GRM7: variants seen among roughly 807,000 people sequenced by gnomAD.
GRM7 encodes glutamate metabotropic receptor 7.
GRM7 carries 35 observed loss-of-function variants against 84.5 expected under a neutral mutation model. The ratio of observed to expected loss-of-function variants is 0.41; its 90% confidence interval spans 0.32 to 0.55. The LOEUF is 0.55. Among genes scored for constraint, GRM7 ranks in the 20% least tolerant of loss-of-function variants. GRM7 has a pLI of 0.19. For synonymous variants in GRM7, 487 were observed against 455.1 expected (o/e 1.07, Z -0.89); for missense variants, 1,003 against 1,194.6 (o/e 0.84, Z 2.36).
chr3:7,004,471 A>G (rs1437353452), intron 1 of GRM7, among the ~76,000 whole-genome samples: 1 of 152,208 alleles, frequency 6.6e-6, no homozygotes, highest in African/African-American at 2.4e-5. Context: ...GATTAGTGAG[A>G]AACTTGAACT....
chr3:7,359,980 A>G lies in GRM7; in HGVS notation c.1033+53328A>G, dbSNP rs9874558. Among the ~76,000 whole-genome samples, 132 of 148,536 alleles carry G rather than the reference A, an allele frequency of 8.9e-4. 18 individuals carry two copies. Among genetic ancestry groups the G allele is most frequent in the African/African-American group, 3.2e-3 (126 of 39,292 alleles). On this transcript the variant is annotated intron_variant, in intron 4 of 9. Coordinates refer to ENST00000357716, the MANE Select transcript of GRM7 (RefSeq NM_000844.4). ...TATTAGTTACTAAGCTTTTTAGGAG[A>G]CATAAGTTACCAGCAAAAGTTTGCT...
At chr3:7,346,397 T>C (rs1337342694) in intron 4 of GRM7, among the ~76,000 whole-genome samples, 2 of 152,170 alleles carry the variant, frequency 1.3e-5, no homozygotes, top group Non-Finnish European at 2.9e-5. Flanking sequence ...ACAAAGCTGA[T>C]GGCATGAATT....
chr3:7,313,348 A>C (rs1700474031), intron 4 of GRM7, among the ~76,000 whole-genome samples: 1 of 152,188 alleles, frequency 6.6e-6, no homozygotes, highest in Non-Finnish European at 1.5e-5. Flanking sequence ...AGAAAAAGCA[A>C]AAAGCCTAGG....
At chr3:7,403,932 G>A (rs1178462465) in intron 4 of GRM7, among the ~76,000 whole-genome samples, 4 of 151,766 alleles carry the variant, frequency 2.6e-5, no homozygotes, top group Non-Finnish European at 5.9e-5. Flanking sequence ...GCTGTAAAAT[G>A]GATATATGAG....
chr3:6,865,848 G>A (rs2124932123), intron 1 of GRM7, among the ~76,000 whole-genome samples: 1 of 151,904 alleles, frequency 6.6e-6, no homozygotes, highest in East Asian at 1.9e-4. Flanking sequence ...TATTAGAAAG[G>A]CAACTTTAAC....
chr3:6,920,008 A>G (rs1697070089), intron 1 of GRM7, among the ~76,000 whole-genome samples: 1 of 152,196 alleles, frequency 6.6e-6, no homozygotes, highest in Non-Finnish European at 1.5e-5. Context: ...AAAGTTGAAT[A>G]TAACACAGTG....
At chr3:7,130,164 G>A (rs531476301) in intron 1 of GRM7, among the ~76,000 whole-genome samples, 2 of 152,084 alleles carry the variant, frequency 1.3e-5, no homozygotes, top group Non-Finnish European at 2.9e-5. Flanking sequence ...TGACTAAAAC[G>A]TCCCTTATAA....
At chr3:6,873,932 G>A (rs932271788) in intron 1 of GRM7, among the ~76,000 whole-genome samples, 1 of 152,222 alleles carries the variant, frequency 6.6e-6, no homozygotes, top group African/African-American at 2.4e-5. Context: ...GGGATTGAGT[G>A]AAATATTCAT....
At chr3:7,730,209 T>A (rs1007664833) in intron 9 of GRM7, among the ~76,000 whole-genome samples, 3 of 151,972 alleles carry the variant, frequency 2.0e-5, no homozygotes, top group Non-Finnish European at 2.9e-5. Flanking sequence ...GGTTTCACCA[T>A]GTTGGCCAGG....
At chr3:7,316,065 A>G (rs952670005) in intron 4 of GRM7, among the ~76,000 whole-genome samples, 3 of 152,186 alleles carry the variant, frequency 2.0e-5, no homozygotes, top group Admixed American at 6.6e-5. Flanking sequence ...TTATCCAAGT[A>G]TCTATCAGGG....
At chr3:7,016,953 A>C (rs1695588225) in intron 1 of GRM7, among the ~76,000 whole-genome samples, 1 of 152,186 alleles carries the variant, frequency 6.6e-6, no homozygotes, top group African/African-American at 2.4e-5. Flanking sequence ...GGCTGGTAGC[A>C]TGAGCATCAC....
chr3:7,561,680 C>A (rs3828429), intron 7 of GRM7: 9 of 382,882 alleles, frequency 2.4e-5, no homozygotes, highest in Non-Finnish European at 3.8e-5. Context: ...TTGTCTAATT[C>A]TCTGAAGTTG....
At chr3:6,890,178 A>G (rs987970000) in intron 1 of GRM7, among the ~76,000 whole-genome samples, 1 of 152,084 alleles carries the variant, frequency 6.6e-6, no homozygotes, top group African/African-American at 2.4e-5. Flanking sequence ...CTTTCAAAAA[A>G]CCAGCTCCTA....
At chr3:7,025,825 T>G (rs1483402381) in intron 1 of GRM7, among the ~76,000 whole-genome samples, 2 of 152,168 alleles carry the variant, frequency 1.3e-5, no homozygotes, top group African/African-American at 2.4e-5. Context: ...GGCAGCATCT[T>G]TATTCAAAAG....
Position 7,578,941 on chromosome 3 carries a change from C to A in GRM7, c.2035C>A (p.Arg679=), listed in dbSNP as rs777119345. 11 of 1,613,962 alleles carry A rather than the reference C, an allele frequency of 6.8e-6. No individual in the cohort carries two copies. The highest frequency in any genetic ancestry group is 5.5e-5 in the South Asian group (5 of 91,086). The change falls in exon 8 of 10, where the codon CGG becomes AGG. Residue 679 remains arginine (R), a synonymous_variant. Coordinates refer to ENST00000357716, the MANE Select transcript of GRM7 (RefSeq NM_000844.4). ...TGCAGCCCTCTTGACGAAAACAAAT[C>A]GGATTTATCGCATATTTGAGCAGGG... ...SYAALLTKTN[R]IYRIFEQGKK... is the part of the protein sequence containing the mutation.
chr3:7,571,738 C>T (rs1694672840), intron 7 of GRM7, among the ~76,000 whole-genome samples: 1 of 152,172 alleles, frequency 6.6e-6, no homozygotes, highest in Non-Finnish European at 1.5e-5. Context: ...CAGTGCCCCT[C>T]TCTACTGGTA....
In GRM7 at chr3:6,882,674, A is replaced by G. The variant is rs1054396882; in HGVS notation, c.519+20767A>G. ...ACACAGGCACAATGCAAGCAAATAT[A>G]TAATACTTTTAATTATTAGACCAAA... On this transcript the variant is annotated intron_variant, in intron 1 of 9. Transcript: ENST00000357716. 1.0e-4 allele frequency among the ~76,000 whole-genome samples: 16 copies of G among 152,384 alleles called. No individual in the cohort carries two copies. The East Asian group carries it at 1.2e-3, about 11-fold the overall frequency.
chr3:7,066,642 A>G (rs986711262), intron 1 of GRM7, among the ~76,000 whole-genome samples: 1 of 151,980 alleles, frequency 6.6e-6, no homozygotes, highest in Non-Finnish European at 1.5e-5. Flanking sequence ...CACAAGATAG[A>G]GAAAGAAGGA....
At position 6,931,226 on chromosome 3, in the gene GRM7, G is replaced by A. The variant is rs1187815635; in HGVS notation, c.519+69319G>A. Among the ~76,000 whole-genome samples, 3 of 151,982 alleles carry A rather than the reference G, an allele frequency of 2.0e-5. No individual in the cohort carries two copies. The East Asian group carries it at 5.8e-4, about 29-fold the overall frequency. On this transcript the variant is annotated intron_variant, in intron 1 of 9. Transcript: ENST00000357716. ...TTGAATGATTAGTGGTGGCTGCCCA[G>A]AAACACTCATAAGAGAAGAGTTCAG...
Sources: allele counts gnomAD v4.1 joint callset (sites outside exome capture counted in the v4.1 genomes callset), GRCh38; gene constraint gnomAD v4.1.1; transcripts MANE v1.5; gene names NCBI Gene and HGNC (gene_info 2026-07-23, HGNC 2026-07-21).